SHISA9: variants seen among roughly 807,000 people sequenced by gnomAD.
SHISA9 encodes shisa family member 9.
Under a neutral mutation model 38.0 loss-of-function variants are expected in SHISA9, and 13 were observed. The observed-to-expected ratio is 0.34, with a 90% CI of 0.22 to 0.54. The LOEUF is 0.54. Among genes scored for constraint, SHISA9 ranks in the 20% least tolerant of loss-of-function variants. The pLI, the probability that SHISA9 is intolerant of heterozygous loss-of-function variation, is 0.91. For missense variants in SHISA9, 538 were observed against 575.8 expected, an observed-to-expected ratio of 0.93 and a Z score of 0.67; for synonymous variants, 275 against 242.0, an observed-to-expected ratio of 1.14 and a Z score of -1.27.
At chr16:13,102,440 G>T (rs180945172) in intron 2 of SHISA9, among the ~76,000 whole-genome samples, 8 of 152,268 alleles carry the variant, frequency 5.3e-5, no homozygotes, top group African/African-American at 1.7e-4. Flanking sequence ...GCGTGGCCCA[G>T]GAGGTCTCTT....
At chr16:13,504,628 T>A in the SHISA9 span, among the ~76,000 whole-genome samples, 1 of 152,050 alleles carries the variant, frequency 6.6e-6, no homozygotes, top group African/African-American at 2.4e-5. Context: ...ACCAGTAATA[T>A]AAAGGACTAA....
At chr16:13,395,116 G>C in the SHISA9 span, among the ~76,000 whole-genome samples, 1 of 152,158 alleles carries the variant, frequency 6.6e-6, no homozygotes, top group Non-Finnish European at 1.5e-5. Flanking sequence ...AGTGTGGACA[G>C]AGGTTGGCAG....
chr16:13,503,179 A>C, the SHISA9 span, among the ~76,000 whole-genome samples: 29 of 152,182 alleles, frequency 1.9e-4, no homozygotes, highest in Non-Finnish European at 3.2e-4. Flanking sequence ...GAAAAGGTTG[A>C]TGTGTTTAAG....
At chr16:13,170,283 T>A (rs976454343) in intron 2 of SHISA9, among the ~76,000 whole-genome samples, 3 of 152,138 alleles carry the variant, frequency 2.0e-5, no homozygotes, top group African/African-American at 7.2e-5. Flanking sequence ...AAGTATCTAC[T>A]GAGCCACTCT....
the SHISA9 span, among the ~76,000 whole-genome samples, chr16:13,363,067 A>G: frequency 6.6e-6 from 1 of 152,206 alleles, no homozygotes; most frequent in South Asian, 2.1e-4. Flanking sequence ...ATGCTCGACC[A>G]TGTGATCTAC....
At chr16:13,060,679 A>C (rs1335881251) in intron 2 of SHISA9, among the ~76,000 whole-genome samples, 4 of 151,098 alleles carry the variant, frequency 2.6e-5, no homozygotes, top group African/African-American at 9.7e-5. Flanking sequence ...AATACAGGAA[A>C]TTAAAGGTGG....
At position 13,203,507 on chromosome 16, in the gene SHISA9, C is replaced by G; in HGVS notation, c.805C>G (p.Pro269Ala). 6.5e-7 allele frequency: 1 copy of G among 1,547,778 alleles called. No homozygotes were observed. The highest frequency in any genetic ancestry group is 2.5e-5 in the East Asian group (1 of 40,716). Residue 269 changes from proline (P) to alanine (A), a missense_variant, in exon 3 of 5, where the codon CCA becomes GCA. Physicochemically the swap from Pro to Ala is conservative, Grantham distance 27. This residue lies in a region of SHISA9 where 326 missense variants were observed against 305.9 expected (regional missense o/e 1.07). Coordinates refer to ENST00000558583, the MANE Select transcript of SHISA9 (RefSeq NM_001145204.3). Reference sequence around the variant, plus strand: ...CTCCAACCCCTATGAACAGCAGCCACCAGGAAAAGAGCTCAACAAGTACGC... The same window carrying G: ...CTCCAACCCCTATGAACAGCAGCCAGCAGGAAAAGAGCTCAACAAGTACGC... ...QISNPYEQQP[P>A]GKELNKYASL...
chr16:13,412,701 C>T, the SHISA9 span, among the ~76,000 whole-genome samples: 1 of 151,796 alleles, frequency 6.6e-6, no homozygotes, highest in African/African-American at 2.4e-5. Context: ...TACTATAATA[C>T]AAAAAATTAG....
chr16:13,120,483 C>T (rs112043285), intron 2 of SHISA9, among the ~76,000 whole-genome samples: 3,375 of 152,190 alleles, frequency 0.022, 148 homozygotes, highest in African/African-American at 0.077. Flanking sequence ...GTATGTAGGG[C>T]GGAGAACGCT....
chr16:12,976,894 G>T (rs904988416), intron 2 of SHISA9, among the ~76,000 whole-genome samples: 2 of 152,168 alleles, frequency 1.3e-5, no homozygotes, highest in South Asian at 4.1e-4. Flanking sequence ...AGTGAGCCAG[G>T]GGCAGCTTTT....
At chr16:13,085,131 C>T (rs1006739978) in intron 2 of SHISA9, among the ~76,000 whole-genome samples, 2 of 152,114 alleles carry the variant, frequency 1.3e-5, no homozygotes, top group African/African-American at 4.8e-5. Flanking sequence ...GAAGGATATC[C>T]TTACCAATAT....
chr16:13,099,341 T>C (rs2073856631), intron 2 of SHISA9, among the ~76,000 whole-genome samples: 1 of 152,016 alleles, frequency 6.6e-6, no homozygotes, highest in Admixed American at 6.5e-5. Flanking sequence ...AGACAGATAA[T>C]AAGCAAAGTA....
intron 2 of SHISA9, among the ~76,000 whole-genome samples, chr16:13,057,354 G>A (rs1234103501): frequency 3.3e-5 from 5 of 152,234 alleles, no homozygotes; most frequent in Non-Finnish European, 7.3e-5. Context: ...TGTTTTCAAA[G>A]TAGGGAGTGT....
chr16:13,051,064 C>T (rs956883159), intron 2 of SHISA9, among the ~76,000 whole-genome samples: 9 of 152,134 alleles, frequency 5.9e-5, no homozygotes, highest in African/African-American at 1.4e-4. Flanking sequence ...CTTGAGGTGA[C>T]GCTTTTGCAT....
Position 12,902,517 on chromosome 16 carries a change from C to T in SHISA9, c.453C>T (p.Asn151=), listed in dbSNP as rs1309517433. Residue 151 remains asparagine, a synonymous_variant, in exon 1 of 5, where the codon AAC becomes AAT. Transcript: ENST00000558583. Reference sequence around the variant, plus strand: ...ACGACCCCACCAAGGACAAGACCAACCTGATCGTCTACATCATCTGCGGGG... The same window carrying T: ...ACGACCCCACCAAGGACAAGACCAATCTGATCGTCTACATCATCTGCGGGG... ...PLHDPTKDKT[N]LIVYIICGVV... 4.5e-6 allele frequency: 7 copies of T among 1,551,466 alleles called. No individual in the cohort carries two copies. Among genetic ancestry groups the T allele is most frequent in the Non-Finnish European group, 6.1e-6 (7 of 1,147,016 alleles).
At chr16:13,495,016 T>C in the SHISA9 span, among the ~76,000 whole-genome samples, 3 of 152,236 alleles carry the variant, frequency 2.0e-5, no homozygotes, top group African/African-American at 7.2e-5. Context: ...GTAACATTCT[T>C]GAAACGACAA....
chr16:13,173,689 C>T (rs1265051555), intron 2 of SHISA9, among the ~76,000 whole-genome samples: 1 of 152,118 alleles, frequency 6.6e-6, no homozygotes, highest in African/African-American at 2.4e-5. Context: ...ATCACCCACC[C>T]AAGCCAAGAG....
chr16:13,039,514 T>A (rs1328737140), intron 2 of SHISA9, among the ~76,000 whole-genome samples: 2 of 144,882 alleles, frequency 1.4e-5, no homozygotes, highest in Non-Finnish European at 1.5e-5. Flanking sequence ...TTGAAACTTA[T>A]AGAGGAGGCT....
chr16:13,102,925 G>A (rs1468825036), intron 2 of SHISA9, among the ~76,000 whole-genome samples: 1 of 152,182 alleles, frequency 6.6e-6, no homozygotes, highest in Non-Finnish European at 1.5e-5. Flanking sequence ...CAAGTTCATG[G>A]GTTGGCAGAG....
Sources: allele counts gnomAD v4.1 joint callset (sites outside exome capture counted in the v4.1 genomes callset), GRCh38; gene constraint gnomAD v4.1.1; regional missense constraint gnomAD v4.1.1; transcripts MANE v1.5; gene names NCBI Gene and HGNC (gene_info 2026-07-23, HGNC 2026-07-21).